Variants in CHST11 observed in about 807,000 individuals in gnomAD.
CHST11 encodes C4S-1.
In CHST11, 9 loss-of-function variants were observed where a neutral mutation model predicts 30.4. The ratio of observed to expected loss-of-function variants is 0.30; its 90% CI spans 0.18 to 0.52. The LOEUF (loss-of-function observed/expected upper bound fraction) is 0.52, where lower values mean the gene tolerates loss of function less well. CHST11 is among the 20% of genes least tolerant of loss of function. CHST11 has a pLI of 0.97. For synonymous variants in CHST11, 152 were observed against 187.8 expected (o/e 0.81, Z 1.56); for missense variants, 348 against 460.6 (o/e 0.76, Z 2.24).
At chr12:104,492,163 C>A (rs1031640558) in intron 1 of CHST11, among the ~76,000 whole-genome samples, 2 of 152,168 alleles carry the variant, frequency 1.3e-5, no homozygotes, top group Admixed American at 6.5e-5. Flanking sequence ...GTGGCGCGAT[C>A]TCTGCTCACT....
chr12:104,513,220 T>A (rs553441664), intron 1 of CHST11, among the ~76,000 whole-genome samples: 1 of 149,608 alleles, frequency 6.7e-6, no homozygotes, highest in East Asian at 2.0e-4. Flanking sequence ...CACAGAAACT[T>A]AGTGTTTCTG....
chr12:104,568,319 TG>T (rs1270915365), intron 1 of CHST11, among the ~76,000 whole-genome samples: 3 of 152,198 alleles, frequency 2.0e-5, no homozygotes, highest in African/African-American at 7.2e-5. Flanking sequence ...AGAGGTACTG[TG>T]CCAGTGGCCC....
At chr12:104,503,100 A>C (rs2037868010) in intron 1 of CHST11, among the ~76,000 whole-genome samples, 1 of 152,216 alleles carries the variant, frequency 6.6e-6, no homozygotes, top group South Asian at 2.1e-4. Flanking sequence ...AAAGGTGCTC[A>C]TTACAAGAGA....
intron 1 of CHST11, among the ~76,000 whole-genome samples, chr12:104,504,337 GGGT>G (rs1458396491): frequency 3.3e-5 from 5 of 152,240 alleles, no homozygotes; most frequent in Admixed American, 6.5e-5. Context: ...CTTCTCACCG[GGGT>G]GGACTCAGGC....
intron 2 of CHST11, among the ~76,000 whole-genome samples, chr12:104,611,131 T>C (rs2039056445): frequency 6.6e-6 from 1 of 152,206 alleles, no homozygotes; most frequent in Non-Finnish European, 1.5e-5. Context: ...GGTAGCCACA[T>C]TTTGAAAAGG....
intron 1 of CHST11, among the ~76,000 whole-genome samples, chr12:104,523,892 C>T (rs1331181883): frequency 6.6e-6 from 1 of 152,224 alleles, no homozygotes; most frequent in Non-Finnish European, 1.5e-5. Flanking sequence ...TGGAATTTCA[C>T]ATGGGTTTCA....
intron 1 of CHST11, among the ~76,000 whole-genome samples, chr12:104,477,782 A>C (rs988637192): frequency 1.3e-5 from 2 of 152,244 alleles, no homozygotes; most frequent in Admixed American, 1.3e-4. Context: ...TTGATATAGC[A>C]GTCCAAATGG....
At chr12:104,630,812 T>C (rs999997413) in intron 2 of CHST11, among the ~76,000 whole-genome samples, 2 of 152,154 alleles carry the variant, frequency 1.3e-5, no homozygotes, top group African/African-American at 4.8e-5. Flanking sequence ...TCAATTGATA[T>C]CTCTCAGATA....
intron 1 of CHST11, among the ~76,000 whole-genome samples, chr12:104,556,021 A>G (rs867464736): frequency 9.9e-5 from 15 of 152,218 alleles, no homozygotes; most frequent in African/African-American, 3.6e-4. Context: ...TGACCGAGGC[A>G]GCTCCACATT....
chr12:104,486,013 C>T (rs574816875), intron 1 of CHST11, among the ~76,000 whole-genome samples: 41 of 152,134 alleles, frequency 2.7e-4, no homozygotes, highest in Non-Finnish European at 4.1e-4. Context: ...CATGTGTGTG[C>T]ATGTGTGCAC....
At chr12:104,711,395 C>CA (rs1280080329) in intron 2 of CHST11, among the ~76,000 whole-genome samples, 5 of 152,202 alleles carry the variant, frequency 3.3e-5, no homozygotes, top group Admixed American at 1.3e-4. Flanking sequence ...GTTTCAGCGT[C>CA]ACATGGAGAT....
At position 104,757,541 on chromosome 12, in the gene CHST11, GCC is replaced by G. The variant is rs1461393817; in HGVS notation, c.798_799del (p.Cys266Ter). The G allele has an allele frequency of 6.2e-7, 1 of 1,613,992 alleles. No homozygotes were observed. The highest frequency in any genetic ancestry group is 8.5e-7 in the Non-Finnish European group (1 of 1,179,980). Reference sequence around the variant, plus strand: ...CACTGGCAAACCGTCTACTCACTCTGCCATCCCTGCCACATCCACTATGACCT... The same window carrying G: ...CACTGGCAAACCGTCTACTCACTCTGATCCCTGCCACATCCACTATGACCT... On this transcript the variant is annotated stop_gained and frameshift_variant, in exon 3 of 3. Coordinates refer to ENST00000303694, the MANE Select transcript of CHST11 (RefSeq NM_018413.6). LOFTEE classifies it high-confidence loss of function. This position sits in a 1 kb window ranked among gnomAD's most constrained non-coding sequence, Gnocchi z 6.5.
In CHST11 at chr12:104,559,032, A is replaced by G. The variant is rs528012485; in HGVS notation, c.119-42874A>G. ...CTGGACGGTAGGCTTCTGAGGCAGGAGTGTGTCTTACAAGGTTGTGTTCCC... is the reference window on the plus strand; with the variant it reads ...CTGGACGGTAGGCTTCTGAGGCAGGGGTGTGTCTTACAAGGTTGTGTTCCC... On this transcript the variant is annotated intron_variant, in intron 1 of 2. Transcript: ENST00000303694. Among the ~76,000 whole-genome samples, 118 of 151,106 alleles carry G rather than the reference A, an allele frequency of 7.8e-4. 1 individual carries two copies. Among genetic ancestry groups the G allele is most frequent in the African/African-American group, 2.8e-3 (115 of 41,130 alleles).
rs922799104 is a variant in CHST11 at position 104,675,571 on chromosome 12, G to A, written c.204+73580G>A. Among the ~76,000 whole-genome samples the A allele has an allele frequency of 2.6e-5, 4 of 152,214 alleles. No homozygotes were observed. The East Asian group carries it at 5.8e-4, about 22-fold the overall frequency. ...GAACCGAACTAACAACCGCTGTTAT[G>A]AGCCGAGTGCTTACTCAGTGCCAAG... On this transcript the variant is annotated intron_variant, in intron 2 of 2. Coordinates refer to ENST00000303694, the MANE Select transcript of CHST11 (RefSeq NM_018413.6).
chr12:104,719,853 A>C (rs1263666782), intron 2 of CHST11, among the ~76,000 whole-genome samples: 1 of 152,184 alleles, frequency 6.6e-6, no homozygotes, highest in Non-Finnish European at 1.5e-5. Flanking sequence ...CAGATGCCCC[A>C]GGGAACACTG....
intron 2 of CHST11, among the ~76,000 whole-genome samples, chr12:104,617,876 A>C (rs2039123143): frequency 6.6e-6 from 1 of 152,130 alleles, no homozygotes; most frequent in African/African-American, 2.4e-5. Context: ...CTAGCAGTAC[A>C]CAGTCAAATA....
In CHST11 at chr12:104,575,551, C is replaced by G. The variant is rs776593278; in HGVS notation, c.119-26355C>G. On this transcript the variant is annotated intron_variant, in intron 1 of 2. Transcript: ENST00000303694. ...GGTCTTAACTTAGACAACTGATAGGCAAAGAAAGGCCTGGGAGCAGGAACA... is the reference window on the plus strand; with the variant it reads ...GGTCTTAACTTAGACAACTGATAGGGAAAGAAAGGCCTGGGAGCAGGAACA... Among the ~76,000 whole-genome samples, 97 of 152,216 alleles carry G rather than the reference C, an allele frequency of 6.4e-4. 1 individual carries two copies. Among genetic ancestry groups the G allele is most frequent in the Admixed American group, 1.5e-3 (23 of 15,292 alleles).
At chr12:104,529,770 G>A (rs1298752843) in intron 1 of CHST11, among the ~76,000 whole-genome samples, 1 of 152,158 alleles carries the variant, frequency 6.6e-6, no homozygotes, top group Non-Finnish European at 1.5e-5. Context: ...TCACAACACT[G>A]TCTCATCTCA....
chr12:104,636,246 C>T (rs115602111), intron 2 of CHST11, among the ~76,000 whole-genome samples: 2,020 of 152,272 alleles, frequency 0.013, 43 homozygotes, highest in African/African-American at 0.046. Context: ...TTTCTTTGTT[C>T]AACGCTACCA....
Sources: gnomAD v4.1 joint callset for allele counts (sites outside exome capture counted in the v4.1 genomes callset) on GRCh38, gnomAD v4.1.1 for gene constraint, Gnocchi (gnomAD v3.1) non-coding constraint, MANE v1.5 for transcripts, NCBI Gene and HGNC (gene_info 2026-07-23, HGNC 2026-07-21) for gene names.